IGFL2: variants seen among roughly 807,000 people sequenced by gnomAD.
IGFL2 encodes the protein insulin growth factor-like family member 2.
IGFL2 carries 7 observed loss-of-function variants against 13.9 expected under a neutral mutation model. The observed-to-expected ratio is 0.51, with a 90% CI of 0.29 to 0.95. IGFL2 has a LOEUF of 0.95. Ranked by LOEUF, IGFL2 falls within the 40% of genes least tolerant of loss-of-function variation. The pLI is 0.08. For missense variants in IGFL2, 138 were observed against 147.8 expected (o/e 0.93, Z 0.34); for synonymous variants, 55 against 55.8 (o/e 0.99, Z 0.07).
At chr19:46,081,823 C>G in the IGFL2 span, among the ~76,000 whole-genome samples, 130 of 151,730 alleles carry the variant, frequency 8.6e-4, no homozygotes, top group Non-Finnish European at 4.3e-4. Flanking sequence ...TCTTTGACAA[C>G]TTGTTTATCT....
chr19:46,197,413 A>G, the IGFL2 span: 1 of 154,238 alleles, frequency 6.5e-6, no homozygotes, highest in Non-Finnish European at 1.4e-5. Flanking sequence ...CCCTTTCCCT[A>G]CAGTTGTATT....
At chr19:46,140,944 G>C (rs1972832239), upstream of IGFL2, among the ~76,000 whole-genome samples, 1 of 152,282 alleles carries the variant, frequency 6.6e-6, no homozygotes, top group Admixed American at 6.5e-5. Context: ...GGCATGAAGT[G>C]GGAAGGGGGA....
chr19:46,133,276 T>A, the IGFL2 span, among the ~76,000 whole-genome samples: 1 of 152,182 alleles, frequency 6.6e-6, no homozygotes, highest in Non-Finnish European at 1.5e-5. Context: ...AAGGCTAGTT[T>A]ACTTTCTGCA....
the IGFL2 span, among the ~76,000 whole-genome samples, chr19:46,118,261 G>A: frequency 6.6e-6 from 1 of 152,158 alleles, no homozygotes; most frequent in East Asian, 1.9e-4. Context: ...AGGTATGTTT[G>A]TCTCCCCCAC....
chr19:46,135,454 G>A, the IGFL2 span, among the ~76,000 whole-genome samples: 2 of 152,136 alleles, frequency 1.3e-5, no homozygotes, highest in Admixed American at 1.3e-4. Flanking sequence ...CAGAACCCCT[G>A]CTCTGAACCA....
the IGFL2 span, among the ~76,000 whole-genome samples, chr19:46,195,387 A>G: frequency 1.3e-5 from 2 of 152,126 alleles, no homozygotes; most frequent in Non-Finnish European, 2.9e-5. Context: ...CTTAGATCAG[A>G]TAACAGAAAA....
At chr19:46,153,468 G>T (rs925242500) in intron 1 of IGFL2, among the ~76,000 whole-genome samples, 1 of 152,026 alleles carries the variant, frequency 6.6e-6, no homozygotes, top group Non-Finnish European at 1.5e-5. Context: ...ATACTTGAGT[G>T]TTTGTATGTC....
At chr19:46,194,850 ATATTTTTTTTTTTTTTTTTT>A in the IGFL2 span, among the ~76,000 whole-genome samples, 661 of 35,624 alleles carry the variant, frequency 0.019, 24 homozygotes, top group Admixed American at 0.11. Flanking sequence ...ATATATATAT[ATATTTTTTTTTTTTTTTTTT>A]TTTTTTTTTT....
At chr19:46,171,799 A>T in the IGFL2 span, among the ~76,000 whole-genome samples, 8 of 152,350 alleles carry the variant, frequency 5.3e-5, no homozygotes, top group African/African-American at 1.9e-4. Flanking sequence ...TAGATGGAGG[A>T]TATTACAAGG....
the IGFL2 span, among the ~76,000 whole-genome samples, chr19:46,193,334 C>T: frequency 1.3e-5 from 2 of 152,206 alleles, no homozygotes; most frequent in Non-Finnish European, 2.9e-5. Context: ...CATATTGACA[C>T]TGTAGATGCT....
At chr19:46,124,660 A>G in the IGFL2 span, 2 of 1,607,484 alleles carry the variant, frequency 1.2e-6, 1 homozygote, top group East Asian at 4.5e-5. Flanking sequence ...GCTTCCAAAG[A>G]TGCTCTAGGA....
At chr19:46,166,779 G>A in the IGFL2 span, among the ~76,000 whole-genome samples, 12 of 152,340 alleles carry the variant, frequency 7.9e-5, no homozygotes, top group Non-Finnish European at 1.8e-4. Flanking sequence ...TCTCCCATTT[G>A]CTTTTGAAAG....
Position 46,160,620 on chromosome 19 carries a change from C to T in IGFL2, c.80C>T (p.Ala27Val), listed in dbSNP as rs773846587. The change falls in exon 3 of 4, where the codon GCT becomes GTT. Residue 27 changes from alanine to valine, a missense_variant. Transcript: ENST00000377693. The part of the protein sequence containing the change: ...LLCPREVIAP[A>V]GSEPWLCQPA... ...TGTCTGTCCATCTGTCCAGCTCCCG[C>T]TGGCTCAGAACCATGGCTGTGCCAG... 8.1e-6 allele frequency: 13 copies of T among 1,614,066 alleles called. No homozygotes were observed. Among genetic ancestry groups the T allele is most frequent in the African/African-American group, 1.3e-5 (1 of 74,920 alleles).
At chr19:46,142,702 G>A (rs888796778), upstream of IGFL2, among the ~76,000 whole-genome samples, 2 of 152,196 alleles carry the variant, frequency 1.3e-5, no homozygotes, top group African/African-American at 4.8e-5. Flanking sequence ...TCTGGAAAAT[G>A]GTAGGGAAGA....
At chr19:46,088,304 C>G in the IGFL2 span, among the ~76,000 whole-genome samples, 1 of 152,104 alleles carries the variant, frequency 6.6e-6, no homozygotes, top group Non-Finnish European at 1.5e-5. Context: ...TATTCTGTGT[C>G]TTTTGATTGG....
At chr19:46,079,134 T>C in the IGFL2 span, among the ~76,000 whole-genome samples, 4 of 152,028 alleles carry the variant, frequency 2.6e-5, no homozygotes, top group African/African-American at 9.7e-5. Context: ...GCGTCGTCAG[T>C]AGACATCGCG....
At chr19:46,129,247 A>T in the IGFL2 span, among the ~76,000 whole-genome samples, 1 of 147,292 alleles carries the variant, frequency 6.8e-6, no homozygotes, top group African/African-American at 2.5e-5. Flanking sequence ...TAATCTAGCT[A>T]GTGTTCTATC....
At chr19:46,115,130 C>T in the IGFL2 span, among the ~76,000 whole-genome samples, 7 of 152,152 alleles carry the variant, frequency 4.6e-5, no homozygotes, top group African/African-American at 1.7e-4. Flanking sequence ...CTCTGGTTTT[C>T]GTATCACAAC....
the IGFL2 span, chr19:46,137,589 T>TGGA: frequency 9.5e-7 from 1 of 1,048,638 alleles, no homozygotes; most frequent in East Asian, 2.6e-5. Context: ...GCTGCAACAA[T>TGGA]ACCTTTCATT....
Sources: allele counts gnomAD v4.1 joint callset (sites outside exome capture counted in the v4.1 genomes callset), GRCh38; gene constraint gnomAD v4.1.1; transcripts MANE v1.5; gene names NCBI Gene and HGNC (gene_info 2026-07-23, HGNC 2026-07-21).